The following SPIDR variants were observed in gnomAD, a reference collection of about 807,000 sequenced individuals.
The protein encoded by SPIDR is scaffold protein involved in DNA repair.
A neutral mutation model predicts 104.6 loss-of-function variants in SPIDR; 93 were observed. That is an observed-to-expected ratio of 0.89 (90% confidence interval 0.75 to 1.06). SPIDR has a LOEUF of 1.06. Among genes scored for constraint, SPIDR ranks in the 50% least tolerant of loss-of-function variants. The pLI is 0.00. For missense variants in SPIDR, 1,154 were observed against 1,111.2 expected, an observed-to-expected ratio of 1.04 and a Z score of -0.55; for synonymous variants, 431 against 416.9, an observed-to-expected ratio of 1.03 and a Z score of -0.41.
chr8:47,284,271 T>C (rs2038378947), intron 3 of SPIDR, among the ~76,000 whole-genome samples, 177 bp downstream of exon 3: 1 of 152,246 alleles, frequency 6.6e-6, no homozygotes, highest in Non-Finnish European at 1.5e-5. Context: ...CTGTCATCGC[T>C]GTCACCGTCT....
At chr8:47,275,924 A>T (rs2036334207) in intron 1 of SPIDR, among the ~76,000 whole-genome samples, 2 of 152,110 alleles carry the variant, frequency 1.3e-5, no homozygotes, top group Non-Finnish European at 2.9e-5. Context: ...TGGTGCGATC[A>T]CAGCTCACTG....
At chr8:47,353,039 C>A (rs1446192970) in intron 5 of SPIDR, among the ~76,000 whole-genome samples, 1 of 95,280 alleles carries the variant, frequency 1.0e-5, no homozygotes, top group East Asian at 2.8e-4. Context: ...GGCGACAGAG[C>A]GGGACTCTAT....
At chr8:47,535,010 G>A in intron 8 of SPIDR, among the ~76,000 whole-genome samples, 1 of 152,042 alleles carries the variant, frequency 6.6e-6, no homozygotes. Context: ...GTAATATTTT[G>A]GAAAACTCTC....
intron 8 of SPIDR, chr8:47,592,476 A>G (rs562588422): frequency 1.3e-5 from 19 of 1,426,650 alleles, no homozygotes; most frequent in South Asian, 1.0e-4. Context: ...AGGGGGAAGG[A>G]ATCCTGAGAG....
intron 7 of SPIDR, among the ~76,000 whole-genome samples, chr8:47,413,487 G>T (rs1361816400): frequency 6.6e-6 from 1 of 152,228 alleles, no homozygotes; most frequent in Non-Finnish European, 1.5e-5. Flanking sequence ...GTTTCCTCTT[G>T]ATCTTGCTAG....
chr8:47,384,400 T>C (rs2059652037), intron 5 of SPIDR, among the ~76,000 whole-genome samples: 2 of 152,256 alleles, frequency 1.3e-5, no homozygotes, highest in Non-Finnish European at 2.9e-5. Context: ...AAACCTAGCA[T>C]TGAAGAAAAG....
At chr8:47,533,683 T>C (rs1456544671) in intron 8 of SPIDR, among the ~76,000 whole-genome samples, 1 of 152,126 alleles carries the variant, frequency 6.6e-6, no homozygotes, top group Non-Finnish European at 1.5e-5. Context: ...ACATCACTGA[T>C]CATTAGAGAA....
intron 8 of SPIDR, chr8:47,592,008 A>T (rs1482082500): frequency 1.9e-5 from 13 of 674,174 alleles, no homozygotes; most frequent in Non-Finnish European, 2.9e-5. Flanking sequence ...ATGTGCATTT[A>T]ATCACCAAAG....
At chr8:47,397,848 A>T (rs1588157549) in intron 6 of SPIDR, among the ~76,000 whole-genome samples, 1 of 152,116 alleles carries the variant, frequency 6.6e-6, no homozygotes, top group East Asian at 1.9e-4. Context: ...GGGTGCAGGG[A>T]ATAGGAGAGA....
rs1409578548 is a variant in SPIDR at position 47,443,854 on chromosome 8, C to G, written c.1097+3312C>G. On this transcript the variant is annotated intron_variant, in intron 8 of 19. Coordinates refer to ENST00000297423, the MANE Select transcript of SPIDR (RefSeq NM_001080394.4). ...GAGTTTAGGTACAATGGCTGCTTACCCCGAGGAGCTCAGAGCCCTCTGTAG... is the reference window on the plus strand; with the variant it reads ...GAGTTTAGGTACAATGGCTGCTTACGCCGAGGAGCTCAGAGCCCTCTGTAG... Among the ~76,000 whole-genome samples, 3 of 151,794 alleles carry G rather than the reference C, an allele frequency of 2.0e-5. No homozygotes were observed. In the East Asian group the frequency reaches 5.8e-4, roughly 29 times the overall value.
intron 11 of SPIDR, among the ~76,000 whole-genome samples, chr8:47,681,309 C>G (rs914162097): frequency 6.6e-6 from 1 of 152,014 alleles, no homozygotes; most frequent in Admixed American, 6.5e-5. Context: ...CAATATTTAA[C>G]TATTGTAAAG....
rs10584346 is a variant in SPIDR, at chr8:47,658,544, CTGTTGTTGTTGTTGTTGT to C, written c.1545-15231_1545-15214del. Among the ~76,000 whole-genome samples the C allele has an allele frequency of 2.5e-4, 37 of 148,578 alleles. No individual in the cohort carries two copies. In the South Asian group the frequency reaches 5.2e-3, roughly 21 times the overall value. ...CCAAGCTTGCAGCAGGGTTTTGTTA[CTGTTGTTGTTGTTGTTGT>C]TGTTGTTGTTGTTGTTGTTGTTGTT... On this transcript the variant is annotated intron_variant, in intron 10 of 19. Transcript: ENST00000297423.
At chr8:47,642,341 A>C (rs962072478) in intron 10 of SPIDR, among the ~76,000 whole-genome samples, 27 of 151,208 alleles carry the variant, frequency 1.8e-4, no homozygotes, top group African/African-American at 6.6e-4. Flanking sequence ...GTGTGAACCC[A>C]GGAGGTGGAG....
intron 8 of SPIDR, among the ~76,000 whole-genome samples, chr8:47,582,845 C>CACACACACACAA (rs1181023113): frequency 2.0e-5 from 3 of 148,934 alleles, no homozygotes; most frequent in African/African-American, 7.4e-5. Context: ...CACACACACA[C>CACACACACACAA]ACACACACAC....
At position 47,387,379 on chromosome 8, in the gene SPIDR, C is replaced by G. The variant is rs147747733; in HGVS notation, c.526-8997C>G. On this transcript the variant is annotated intron_variant, in intron 5 of 19. Coordinates refer to ENST00000297423, the MANE Select transcript of SPIDR (RefSeq NM_001080394.4). Reference sequence around the variant, plus strand: ...ATGGAATGCTCTGACTTAGGTTGTTCTGATTGTGGTGTGTAGGGCAGACCC... The same window carrying G: ...ATGGAATGCTCTGACTTAGGTTGTTGTGATTGTGGTGTGTAGGGCAGACCC... Among the ~76,000 whole-genome samples the G allele has an allele frequency of 2.0e-5, 3 of 152,180 alleles. No homozygotes were observed. In the East Asian group the frequency reaches 5.8e-4, roughly 29 times the overall value.
At chr8:47,581,607 A>G (rs1017410844) in intron 8 of SPIDR, among the ~76,000 whole-genome samples, 2 of 151,458 alleles carry the variant, frequency 1.3e-5, no homozygotes, top group African/African-American at 4.8e-5. Context: ...GCCTTTGGCC[A>G]GTGGGTCCCA....
At chr8:47,423,004 A>T (rs963671306) in intron 7 of SPIDR, among the ~76,000 whole-genome samples, 3 of 152,160 alleles carry the variant, frequency 2.0e-5, no homozygotes, top group Non-Finnish European at 4.4e-5. Flanking sequence ...ATTGAGTTTG[A>T]CTTTAAAAGA....
At chr8:47,322,090 C>G (rs781933712) in intron 5 of SPIDR, among the ~76,000 whole-genome samples, 32 of 152,132 alleles carry the variant, frequency 2.1e-4, no homozygotes, top group Non-Finnish European at 4.4e-4. Context: ...CCAAAATTGA[C>G]AACTAGGATC....
chr8:47,382,622 A>G (rs2059447865), intron 5 of SPIDR, among the ~76,000 whole-genome samples: 1 of 152,198 alleles, frequency 6.6e-6, no homozygotes, highest in African/African-American at 2.4e-5. Flanking sequence ...CATGTCGGCT[A>G]GGATGGTCTC....
Sources: gnomAD v4.1 joint callset for allele counts (sites outside exome capture counted in the v4.1 genomes callset) on GRCh38, gnomAD v4.1.1 for gene constraint, MANE v1.5 for transcripts, NCBI Gene and HGNC (gene_info 2026-07-23, HGNC 2026-07-21) for gene names.